The following LDLRAD4 variants were observed in gnomAD, a reference collection of about 807,000 sequenced individuals.
The protein encoded by LDLRAD4 is low density lipoprotein receptor class A domain containing 4.
LDLRAD4 carries 5 observed loss-of-function variants against 17.0 expected under a neutral mutation model. The observed-to-expected ratio is 0.29, with a 90% CI of 0.15 to 0.62. LDLRAD4 has a LOEUF of 0.62. Among genes scored for constraint, LDLRAD4 ranks in the 20% least tolerant of loss-of-function variants. The pLI, the probability that LDLRAD4 is intolerant of heterozygous loss-of-function variation, is 0.84. For synonymous variants in LDLRAD4, 168 were observed against 171.8 expected (o/e 0.98, Z 0.17); for missense variants, 340 against 424.7 (o/e 0.80, Z 1.75).
intron 3 of LDLRAD4, among the ~76,000 whole-genome samples, chr18:13,538,970 G>T (rs9962930): frequency 6.6e-6 from 1 of 152,110 alleles, no homozygotes; most frequent in Admixed American, 6.5e-5. Context: ...GGGAAATTAG[G>T]GTTAGTGTTT....
chr18:13,496,098 C>T (rs929076630), intron 3 of LDLRAD4, among the ~76,000 whole-genome samples: 1 of 152,142 alleles, frequency 6.6e-6, no homozygotes, highest in African/African-American at 2.4e-5. Flanking sequence ...ATGCAGGGGA[C>T]AGGTACCAGC....
intron 1 of LDLRAD4, among the ~76,000 whole-genome samples, chr18:13,311,720 G>T (rs994491249): frequency 3.3e-5 from 5 of 152,174 alleles, no homozygotes; most frequent in African/African-American, 1.2e-4. Flanking sequence ...AAGGAGTTCT[G>T]CATTTCCATG....
Position 13,629,094 on chromosome 18 carries a change from G to T in LDLRAD4, c.336+7823G>T, listed in dbSNP as rs532070164. On this transcript the variant is annotated intron_variant, in intron 4 of 5. Transcript: ENST00000359446. ...GATCTTCCCACTTCAGCCTCCCAAA[G>T]TGCTAGGATTACAGGCCTGAGCCAC... Among the ~76,000 whole-genome samples, 38 of 152,332 alleles carry T rather than the reference G, an allele frequency of 2.5e-4. No individual in the cohort carries two copies. In the Middle Eastern group the frequency reaches 0.017, roughly 68 times the overall value.
At chr18:13,527,941 C>T (rs2094059829) in intron 3 of LDLRAD4, among the ~76,000 whole-genome samples, 1 of 152,194 alleles carries the variant, frequency 6.6e-6, no homozygotes, top group Non-Finnish European at 1.5e-5. Flanking sequence ...TTTAGCCTGG[C>T]TTGACGTCCT....
chr18:13,441,486 C>T (rs894296466), intron 3 of LDLRAD4, among the ~76,000 whole-genome samples: 10 of 152,316 alleles, frequency 6.6e-5, no homozygotes, highest in African/African-American at 2.4e-4. Context: ...TGATCTATGT[C>T]ACCTTGTTCC....
chr18:13,504,887 CCACCCT>C (rs2093666324), intron 3 of LDLRAD4, among the ~76,000 whole-genome samples: 1 of 152,138 alleles, frequency 6.6e-6, no homozygotes, highest in South Asian at 2.1e-4. Flanking sequence ...TTGGGAATAT[CCACCCT>C]TAGTAAGAAG....
chr18:13,624,253 G>T (rs2040917688), intron 4 of LDLRAD4, among the ~76,000 whole-genome samples: 1 of 152,198 alleles, frequency 6.6e-6, no homozygotes, highest in Non-Finnish European at 1.5e-5. Context: ...ACCATGAGGG[G>T]GTCTCTCTAG....
intron 3 of LDLRAD4, among the ~76,000 whole-genome samples, chr18:13,541,200 C>G (rs2094278129): frequency 6.6e-6 from 1 of 152,208 alleles, no homozygotes; most frequent in Non-Finnish European, 1.5e-5. Flanking sequence ...GTAAAATGTG[C>G]AGACCAATCT....
chr18:13,259,313 T>C (rs2043678094), intron 1 of LDLRAD4, among the ~76,000 whole-genome samples: 1 of 152,184 alleles, frequency 6.6e-6, no homozygotes, highest in Non-Finnish European at 1.5e-5. Flanking sequence ...TCACTGGGAC[T>C]ACAGACACAC....
intron 3 of LDLRAD4, among the ~76,000 whole-genome samples, chr18:13,510,505 G>T (rs1568277388): frequency 6.6e-6 from 1 of 151,634 alleles, no homozygotes; most frequent in Non-Finnish European, 1.5e-5. Flanking sequence ...TTGATATAAT[G>T]GACTTTGGAG....
In LDLRAD4 at chr18:13,571,922, T is replaced by C. The variant is rs149024691; in HGVS notation, c.182-49195T>C. Among the ~76,000 whole-genome samples, 1,152 of 152,316 alleles carry C rather than the reference T, an allele frequency of 7.6e-3. 15 individuals are homozygous for C. Among genetic ancestry groups the C allele is most frequent in the African/African-American group, 0.026 (1,075 of 41,566 alleles). On this transcript the variant is annotated intron_variant, in intron 3 of 5. Transcript: ENST00000359446. ...AAGTGCTAGGATTACAGGCGTGAGC[T>C]ACCGCACCGGGCCTATAAACTATTA...
intron 1 of LDLRAD4, among the ~76,000 whole-genome samples, chr18:13,307,252 T>C (rs753337521): frequency 3.3e-5 from 5 of 152,280 alleles, no homozygotes; most frequent in African/African-American, 7.2e-5. Flanking sequence ...CCTTCATCGC[T>C]TCTGTCTCTG....
intron 1 of LDLRAD4, among the ~76,000 whole-genome samples, chr18:13,330,989 G>A (rs140265613): frequency 0.014 from 2,148 of 152,304 alleles, 31 homozygotes; most frequent in Middle Eastern, 0.058. Context: ...GGGCATGGAA[G>A]CTCCATGTTT....
At chr18:13,368,715 G>T (rs2084249949) in intron 1 of LDLRAD4, among the ~76,000 whole-genome samples, 1 of 152,200 alleles carries the variant, frequency 6.6e-6, no homozygotes, top group Non-Finnish European at 1.5e-5. Flanking sequence ...CTTCAGTTTT[G>T]GAGGATGCTC....
chr18:13,386,974 T>C (rs1335902231), intron 1 of LDLRAD4, among the ~76,000 whole-genome samples: 1 of 151,958 alleles, frequency 6.6e-6, no homozygotes, highest in Non-Finnish European at 1.5e-5. Context: ...ATAAGATAGA[T>C]AGATAGAATC....
intron 3 of LDLRAD4, among the ~76,000 whole-genome samples, chr18:13,557,803 G>GTTACCATC (rs1250162945): frequency 6.6e-6 from 1 of 152,152 alleles, no homozygotes; most frequent in African/African-American, 2.4e-5. Flanking sequence ...ATTGTCTGTT[G>GTTACCATC]TTACCATCAT....
In LDLRAD4 at chr18:13,313,782, A is replaced by C. The variant is rs141943208; in HGVS notation, c.-383+35594A>C. Among the ~76,000 whole-genome samples, 13 of 152,198 alleles carry C rather than the reference A, an allele frequency of 8.5e-5. No homozygotes were observed. In the East Asian group the frequency reaches 2.3e-3, roughly 27 times the overall value. On this transcript the variant is annotated intron_variant, in intron 1 of 5. Transcript: ENST00000359446. ...CCTTTGTTCCCTACACCTGCAAAAC[A>C]TGTACCTGTGCCTTGTGAAAATCCA...
At position 13,397,586 on chromosome 18, in the gene LDLRAD4, G is replaced by T. The variant is rs74976769; in HGVS notation, c.40+9824G>T. ...CCTGCTGGGTTTGTCTGACTTCTTA[G>T]GAAAATCATCCTGAGATCAGTGTTT... is the stretch of plus-strand genomic sequence containing the variant. On this transcript the variant is annotated intron_variant, in intron 2 of 5. Transcript: ENST00000359446. 1.2e-3 allele frequency among the ~76,000 whole-genome samples: 187 copies of T among 152,250 alleles called. No individual in the cohort carries two copies. The Middle Eastern group carries it at 0.017, about 14-fold the overall frequency.
intron 3 of LDLRAD4, among the ~76,000 whole-genome samples, chr18:13,466,767 C>T (rs1199052193): frequency 6.6e-6 from 1 of 152,146 alleles, no homozygotes; most frequent in Non-Finnish European, 1.5e-5. Context: ...GATCGGGGCA[C>T]CACCAGATTC....
Sources: gnomAD v4.1 joint callset for allele counts (sites outside exome capture counted in the v4.1 genomes callset) on GRCh38, gnomAD v4.1.1 for gene constraint, MANE v1.5 for transcripts, NCBI Gene and HGNC (gene_info 2026-07-23, HGNC 2026-07-21) for gene names.